MAP3K13: variants seen among roughly 807,000 people sequenced by gnomAD.
MAP3K13 encodes leucine zipper-bearing kinase.
Under a neutral mutation model 104.0 loss-of-function variants are expected in MAP3K13, and 52 were observed. The observed-to-expected ratio is 0.50, with a 90% CI of 0.40 to 0.63. The LOEUF (loss-of-function observed/expected upper bound fraction) is 0.63, where lower values mean the gene tolerates loss of function less well. Among genes scored for constraint, MAP3K13 ranks in the 20% least tolerant of loss-of-function variants. MAP3K13 has a pLI of 0.00. For synonymous variants in MAP3K13, 394 were observed against 442.2 expected, an observed-to-expected ratio of 0.89 and a Z score of 1.37; for missense variants, 914 against 1,218.5, an observed-to-expected ratio of 0.75 and a Z score of 3.72.
intron 2 of MAP3K13, among the ~76,000 whole-genome samples, chr3:185,305,698 A>G (rs1408571830): frequency 1.3e-5 from 2 of 152,278 alleles, no homozygotes; most frequent in Non-Finnish European, 2.9e-5. Context: ...GAACTCCTTC[A>G]GCTTTTGATG....
At chr3:185,287,274 G>A (rs903995422) in intron 2 of MAP3K13, among the ~76,000 whole-genome samples, 3 of 152,182 alleles carry the variant, frequency 2.0e-5, no homozygotes, top group Admixed American at 2.0e-4. Context: ...TGAATAGGAT[G>A]AACTTTGTTT....
chr3:185,286,985 A>C (rs1243951088), intron 2 of MAP3K13, among the ~76,000 whole-genome samples: 1 of 152,166 alleles, frequency 6.6e-6, no homozygotes, highest in Non-Finnish European at 1.5e-5. Context: ...TGTTCTTATA[A>C]TACTTGGACT....
intron 1 of MAP3K13, among the ~76,000 whole-genome samples, chr3:185,383,528 C>T (rs1212130943): frequency 6.7e-6 from 1 of 149,300 alleles, no homozygotes; most frequent in African/African-American, 2.5e-5. Flanking sequence ...TGCCACTGCA[C>T]TCCAGCCTGG....
At chr3:185,440,544 G>GA (rs551103177) in intron 3 of MAP3K13, among the ~76,000 whole-genome samples, 6 of 151,890 alleles carry the variant, frequency 4.0e-5, no homozygotes, top group South Asian at 2.1e-4. Flanking sequence ...ACCGGAACTT[G>GA]AAAAAAAATT....
chr3:185,478,610 G>A (rs1718266546), intron 12 of MAP3K13, among the ~76,000 whole-genome samples: 3 of 152,054 alleles, frequency 2.0e-5, no homozygotes, highest in African/African-American at 7.2e-5. Context: ...TTTGTACTAG[G>A]CCGGGTGCTG....
In MAP3K13 at chr3:185,418,556, G is replaced by C; in HGVS notation, c.-85-9941G>C. On this transcript the variant is annotated intron_variant, in intron 1 of 13. Transcript: ENST00000265026. This position sits in a 1 kb window ranked among gnomAD's most constrained non-coding sequence, Gnocchi z 4.5. ...CCACCACCTCGAACTCTGGGAATTC[G>C]AGCCATAGCTCTGCCAGTACCCCAA... 4.3e-6 allele frequency: 7 copies of C among 1,612,236 alleles called. No homozygotes were observed. Among genetic ancestry groups the C allele is most frequent in the Non-Finnish European group, 5.9e-6 (7 of 1,179,842 alleles).
At chr3:185,299,366 C>T (rs1227292890) in intron 2 of MAP3K13, among the ~76,000 whole-genome samples, 2 of 152,212 alleles carry the variant, frequency 1.3e-5, no homozygotes, top group Non-Finnish European at 1.5e-5. Flanking sequence ...TTCAGAATAA[C>T]GGGAAGCCCC....
intron 4 of MAP3K13, among the ~76,000 whole-genome samples, chr3:185,444,638 T>C (rs1992454): frequency 0.6 from 90,564 of 152,008 alleles, 28,216 homozygotes; most frequent in Middle Eastern, 0.71. Context: ...GAGGAGTGTG[T>C]AGTTAGTTCC....
chr3:185,311,902 T>G (rs1029785348), intron 2 of MAP3K13, among the ~76,000 whole-genome samples: 9 of 152,360 alleles, frequency 5.9e-5, no homozygotes, highest in South Asian at 4.1e-4. Context: ...GGACTATTCA[T>G]TCATTGGAAT....
intron 1 of MAP3K13, among the ~76,000 whole-genome samples, chr3:185,370,847 C>T (rs187501314): frequency 1.3e-5 from 2 of 150,638 alleles, no homozygotes; most frequent in South Asian, 4.2e-4. Context: ...TTTGGTTGTA[C>T]GTTGTAGCCT....
chr3:185,456,015 AT>A (rs984656982), intron 7 of MAP3K13, among the ~76,000 whole-genome samples: 3 of 148,180 alleles, frequency 2.0e-5, no homozygotes, highest in African/African-American at 4.9e-5. Flanking sequence ...AGATATATAT[AT>A]ATATGAGATA....
At chr3:185,405,983 G>A (rs1713093351) in intron 1 of MAP3K13, among the ~76,000 whole-genome samples, 1 of 152,194 alleles carries the variant, frequency 6.6e-6, no homozygotes, top group Admixed American at 6.5e-5. Context: ...AGTTGATCTT[G>A]TTAGAAATAG....
intron 9 of MAP3K13, 52 bp downstream of exon 9, chr3:185,465,915 C>T: frequency 8.3e-7 from 1 of 1,207,568 alleles, no homozygotes; most frequent in South Asian, 1.2e-5. Context: ...TGTCAATCAG[C>T]AGAAACATAC....
rs1286322830 is a variant in MAP3K13, at chr3:185,487,780, C to T, written c.*5324C>T. 6.6e-6 allele frequency: 1 copy of T among 152,220 alleles called. No homozygotes were observed. The highest frequency in any genetic ancestry group is 6.5e-5 in the Admixed American group (1 of 15,274). 9.4% of individuals were successfully genotyped at this position (152,220 alleles called of 1,614,324 possible). A position where few individuals can be genotyped will look rare whatever the true frequency, so the allele number is the denominator to read the frequency against. The stretch of plus-strand genomic sequence containing the variant: ...CTACCACCTCCAAGACCAAGACCAA[C>T]ATTATGTATTGAGCATCGTATCTTT... On this transcript the variant is annotated 3_prime_UTR_variant, in exon 14 of 14. Transcript: ENST00000265026.
chr3:185,438,014 C>T (rs566250897), intron 3 of MAP3K13, among the ~76,000 whole-genome samples: 43 of 152,166 alleles, frequency 2.8e-4, no homozygotes, highest in Non-Finnish European at 4.3e-4. Flanking sequence ...CAAAGTTGGC[C>T]GGGCGCAGTG....
intron 10 of MAP3K13, among the ~76,000 whole-genome samples, chr3:185,471,451 CTT>C (rs71164510): frequency 9.3e-5 from 7 of 75,442 alleles, no homozygotes; most frequent in East Asian, 1.1e-3. Context: ...ACGACCTTTA[CTT>C]TTTTTTTTTT....
chr3:185,451,684 T>G (rs1011314735), intron 7 of MAP3K13: 4 of 287,116 alleles, frequency 1.4e-5, no homozygotes, highest in Non-Finnish European at 2.7e-5. Flanking sequence ...CTGGCCAACA[T>G]GGAGAAACCC....
chr3:185,454,652 T>TATATATATTAG (rs1716230154), intron 7 of MAP3K13, among the ~76,000 whole-genome samples: 1 of 39,320 alleles, frequency 2.5e-5, no homozygotes, highest in Non-Finnish European at 5.5e-5. Context: ...ATATATATGA[T>TATATATATTAG]ATATATATGA....
chr3:185,313,418 C>T (rs1721565025), intron 2 of MAP3K13, among the ~76,000 whole-genome samples: 2 of 151,558 alleles, frequency 1.3e-5, no homozygotes, highest in South Asian at 2.1e-4. Flanking sequence ...TACAGGCGCT[C>T]GCCACCATGC....
Sources: allele counts gnomAD v4.1 joint callset (sites outside exome capture counted in the v4.1 genomes callset), GRCh38; gene constraint gnomAD v4.1.1; non-coding constraint Gnocchi (gnomAD v3.1); transcripts MANE v1.5; gene names NCBI Gene and HGNC (gene_info 2026-07-23, HGNC 2026-07-21).